NECTIN1: variants seen among roughly 807,000 people sequenced by gnomAD.
The protein encoded by NECTIN1 is nectin cell adhesion molecule 1, also known as nectin-1.
In NECTIN1, 23 loss-of-function variants were observed where a neutral mutation model predicts 48.0. The ratio of observed to expected loss-of-function variants is 0.48; its 90% CI spans 0.34 to 0.68. NECTIN1 has a LOEUF of 0.68. Ranked by LOEUF, NECTIN1 falls within the 30% of genes least tolerant of loss-of-function variation. The pLI is 0.01. For synonymous variants in NECTIN1, 270 were observed against 288.9 expected, an observed-to-expected ratio of 0.93 and a Z score of 0.66; for missense variants, 591 against 709.9, an observed-to-expected ratio of 0.83 and a Z score of 1.90.
intron 5 of NECTIN1, 84 bp downstream of exon 5, chr11:119,675,075 C>T: frequency 6.8e-7 from 1 of 1,468,174 alleles, no homozygotes; most frequent in East Asian, 2.3e-5. Flanking sequence ...AATCTTCCTG[C>T]AGTGGCATTG....
Position 119,663,291 on chromosome 11 carries a change from C to T in NECTIN1, c.*1456G>A. 1.0e-5 allele frequency: 10 copies of T among 985,552 alleles called. No individual in the cohort carries two copies. The highest frequency in any genetic ancestry group is 1.1e-5 in the Non-Finnish European group (9 of 830,036). The allele number at this position is 985,552 out of a possible 1,614,324, so 61.1% of individuals were successfully genotyped here. ...GATGGAGGAACTGAGGCACTTTGAGCTGGGGGACTGAGAGGGCTGGGAGGG... is the reference window on the plus strand; with the variant it reads ...GATGGAGGAACTGAGGCACTTTGAGTTGGGGGACTGAGAGGGCTGGGAGGG... On this transcript the variant is annotated 3_prime_UTR_variant, in exon 6 of 6. Transcript: ENST00000264025.
Position 119,691,824 on chromosome 11 carries a change from C to T in NECTIN1, c.80-13059G>A, listed in dbSNP as rs530393750. Among the ~76,000 whole-genome samples the T allele has an allele frequency of 2.6e-3, 392 of 152,290 alleles. 1 individual carries two copies. Among genetic ancestry groups the T allele is most frequent in the African/African-American group, 8.3e-3 (343 of 41,562 alleles). The stretch of plus-strand genomic sequence containing the variant: ...CAGTCCCAGGAGTTTTCTGGGAGCC[C>T]TCCTGCCTGGCCTGCCCTGCTCCCA... On this transcript the variant is annotated intron_variant, in intron 1 of 5. Transcript: ENST00000264025.
chr11:119,686,329 A>T (rs1004368399), intron 1 of NECTIN1, among the ~76,000 whole-genome samples: 8 of 151,908 alleles, frequency 5.3e-5, no homozygotes, highest in Non-Finnish European at 1.2e-4. Context: ...TTTCCTTTGA[A>T]CCTTAGCACC....
At chr11:119,649,644 C>T (rs537953226) in intron 5 of NECTIN1, among the ~76,000 whole-genome samples, 13 of 151,816 alleles carry the variant, frequency 8.6e-5, no homozygotes, top group East Asian at 5.8e-4. Context: ...GAGCCAAGAT[C>T]GCACCACCGC....
chr11:119,652,032 A>G (rs1864498851), intron 5 of NECTIN1, among the ~76,000 whole-genome samples: 1 of 152,148 alleles, frequency 6.6e-6, no homozygotes, highest in Non-Finnish European at 1.5e-5. Context: ...GCCTCTCGCC[A>G]GCATATTACC....
At chr11:119,674,792 G>A in intron 5 of NECTIN1, 2 of 1,404,116 alleles carry the variant, frequency 1.4e-6, no homozygotes, top group East Asian at 2.3e-5. Flanking sequence ...GAGCTTGGAG[G>A]AGATGAGCTC....
chr11:119,665,814 C>A lies in NECTIN1; in HGVS notation c.1004-517G>T, dbSNP rs1380525909. 6.6e-6 allele frequency among the ~76,000 whole-genome samples: 1 copy of A among 152,180 alleles called. No individual in the cohort carries two copies. On this transcript the variant is annotated intron_variant, in intron 5 of 5. Transcript: ENST00000264025. The surrounding 1 kb of genome is among the most constrained non-coding windows in gnomAD (Gnocchi z 5.1). ...GAACGTGTGCAAATGTCACTGATAC[C>A]CCTCTGCCAGACACCTGGCAGTCAC... is the stretch of plus-strand genomic sequence containing the variant.
At chr11:119,659,619 C>T (rs914837306), downstream of NECTIN1, among the ~76,000 whole-genome samples, 5 of 152,100 alleles carry the variant, frequency 3.3e-5, no homozygotes, top group African/African-American at 4.8e-5. Context: ...TCCTTTGGGC[C>T]GGGATGTCTG....
downstream of NECTIN1, chr11:119,658,975 G>A (rs969635373): frequency 6.6e-6 from 1 of 152,186 alleles, no homozygotes; most frequent in Non-Finnish European, 1.5e-5. Flanking sequence ...AACAACGACT[G>A]TAAGATGGTA....
chr11:119,653,414 C>T (rs1384066499), intron 5 of NECTIN1, among the ~76,000 whole-genome samples: 1 of 152,178 alleles, frequency 6.6e-6, no homozygotes, highest in East Asian at 1.9e-4. Context: ...TGCAGCTGGC[C>T]TCAGTGTCCC....
chr11:119,664,694 T>TGG lies in NECTIN1; in HGVS notation c.*52_*53insCC. 1.4e-6 allele frequency: 1 copy of TGG among 727,372 alleles called. No homozygotes were observed. The allele number at this position is 727,372 out of a possible 1,614,324, so 45.1% of individuals were successfully genotyped here. ...GGAGGTGGGGGGTGGGCAGGGGGCG[T>TGG]GCGGGGAGGGGCTGGGGAGGAGCGG... On this transcript the variant is annotated 3_prime_UTR_variant, in exon 6 of 6. Transcript: ENST00000264025.
chr11:119,648,262 A>ATGG (rs780099275), intron 5 of NECTIN1, among the ~76,000 whole-genome samples: 3 of 9,244 alleles, frequency 3.2e-4, no homozygotes, highest in Non-Finnish European at 7.5e-4. Flanking sequence ...AGAGGTGGTA[A>ATGG]TAGTGGTGGT....
intron 1 of NECTIN1, among the ~76,000 whole-genome samples, chr11:119,681,019 G>C (rs923594743): frequency 6.6e-6 from 1 of 152,212 alleles, no homozygotes; most frequent in South Asian, 2.1e-4. Flanking sequence ...CTGGCCTCCC[G>C]AGTCCCAGTG....
intron 1 of NECTIN1, among the ~76,000 whole-genome samples, chr11:119,688,805 G>A (rs1227967153): frequency 6.6e-6 from 1 of 152,164 alleles, no homozygotes; most frequent in Non-Finnish European, 1.5e-5. Context: ...GGCTCTGTAG[G>A]AGGGGCAGTG....
intron 1 of NECTIN1, among the ~76,000 whole-genome samples, chr11:119,680,179 C>T (rs1258353805): frequency 1.3e-5 from 2 of 152,096 alleles, no homozygotes; most frequent in Non-Finnish European, 2.9e-5. Flanking sequence ...TTAGAATGTC[C>T]TTTTTTTGGG....
At chr11:119,658,565 G>A (rs7943014), downstream of NECTIN1, among the ~76,000 whole-genome samples, 7,155 of 152,168 alleles carry the variant, frequency 0.047, 570 homozygotes, top group African/African-American at 0.16. Context: ...AGCATTCAGA[G>A]GGCTTTCCTC....
chr11:119,667,498 G>C (rs1864794496), intron 5 of NECTIN1, among the ~76,000 whole-genome samples: 1 of 152,242 alleles, frequency 6.6e-6, no homozygotes, highest in Admixed American at 6.5e-5. Context: ...GCAGGGTGCA[G>C]GGGAACGGGG....
chr11:119,705,968 G>C (rs537862043), intron 1 of NECTIN1, among the ~76,000 whole-genome samples: 3 of 152,012 alleles, frequency 2.0e-5, no homozygotes, highest in Non-Finnish European at 4.4e-5. Flanking sequence ...GGGGAGGGGC[G>C]GGGCAGGGGT....
intron 1 of NECTIN1, among the ~76,000 whole-genome samples, chr11:119,725,859 C>T (rs1865900234): frequency 6.6e-6 from 1 of 152,072 alleles, no homozygotes; most frequent in Admixed American, 6.5e-5. Context: ...CTCGACACAC[C>T]TGCTTCTCAA....
Sources: allele counts gnomAD v4.1 joint callset (sites outside exome capture counted in the v4.1 genomes callset), GRCh38; gene constraint gnomAD v4.1.1; non-coding constraint Gnocchi (gnomAD v3.1); transcripts MANE v1.5; gene names NCBI Gene and HGNC (gene_info 2026-07-23, HGNC 2026-07-21).